Variants in MALRD1 observed in about 807,000 individuals in gnomAD.
MALRD1 encodes the protein MAM and LDL receptor class A domain containing 1.
In MALRD1, 247 loss-of-function variants were observed where a neutral mutation model predicts 242.1. The ratio of observed to expected loss-of-function variants is 1.02; its 90% confidence interval spans 0.92 to 1.13. The LOEUF is 1.13. Among genes scored for constraint, MALRD1 ranks in the 50% most tolerant of loss-of-function variants. The pLI is 0.00. For missense variants in MALRD1, 2,989 were observed against 2,533.1 expected (o/e 1.18, Z -3.86); for synonymous variants, 995 against 866.6 (o/e 1.15, Z -2.60).
chr10:19,082,603 CT>C (rs1009718477), intron 2 of MALRD1, among the ~76,000 whole-genome samples: 2 of 151,662 alleles, frequency 1.3e-5, no homozygotes, highest in Admixed American at 1.3e-4. Flanking sequence ...GATTGCTTTG[CT>C]TTTTTTCTCT....
intron 36 of MALRD1, among the ~76,000 whole-genome samples, chr10:19,677,777 C>T (rs1256674503): frequency 6.6e-6 from 1 of 152,134 alleles, no homozygotes; most frequent in Non-Finnish European, 1.5e-5. Flanking sequence ...CCTAAATTTT[C>T]TTCTAGGGTT....
chr10:19,417,015 T>C (rs978715261), intron 28 of MALRD1, among the ~76,000 whole-genome samples: 1 of 152,196 alleles, frequency 6.6e-6, no homozygotes, highest in Non-Finnish European at 1.5e-5. Flanking sequence ...TCAACAACTA[T>C]GGCCAGCCCT....
chr10:19,726,418 A>G (rs140070664), intron 38 of MALRD1, among the ~76,000 whole-genome samples: 10 of 152,074 alleles, frequency 6.6e-5, no homozygotes, highest in Non-Finnish European at 7.4e-5. Context: ...CTGAGATAGC[A>G]ATAATAATAA....
chr10:19,196,858 A>G (rs961217724), intron 14 of MALRD1, among the ~76,000 whole-genome samples: 2 of 152,152 alleles, frequency 1.3e-5, no homozygotes, highest in Non-Finnish European at 2.9e-5. Context: ...CACCTTTGAT[A>G]TCAATTAATC....
At position 19,491,632 on chromosome 10, in the gene MALRD1, T is replaced by C. The variant is rs1202640371; in HGVS notation, c.5145T>C (p.Asp1715=). 1 of 1,549,520 alleles carries C rather than the reference T, an allele frequency of 6.5e-7. No homozygotes were observed. Among genetic ancestry groups the C allele is most frequent in the South Asian group, 1.2e-5 (1 of 84,054 alleles). The stretch of plus-strand genomic sequence containing the variant: ...AGCCAGACTGCTCTGATAGGTCTGA[T>C]GAAGCTCACTGTGGTAAGTTTATCT... ...DYKPDCSDRS[D]EAHCAHYTST... is the part of the protein sequence containing the mutation. The change falls in exon 30 of 40, where the codon GAT becomes GAC. Residue 1715 remains aspartate (D), a synonymous_variant. Transcript: ENST00000454679.
At chr10:19,307,870 A>G (rs1588887351) in intron 21 of MALRD1, among the ~76,000 whole-genome samples, 1 of 151,486 alleles carries the variant, frequency 6.6e-6, no homozygotes, top group Admixed American at 6.6e-5. Flanking sequence ...TATGGGGTAC[A>G]TGGTAATGCT....
At chr10:19,527,954 C>T (rs1046908522) in intron 31 of MALRD1, among the ~76,000 whole-genome samples, 1 of 152,084 alleles carries the variant, frequency 6.6e-6, no homozygotes, top group African/African-American at 2.4e-5. Context: ...AAAGAAAGTA[C>T]GTTTTTAATG....
intron 28 of MALRD1, among the ~76,000 whole-genome samples, chr10:19,396,520 T>C (rs1846587381): frequency 6.6e-6 from 1 of 152,198 alleles, no homozygotes; most frequent in Non-Finnish European, 1.5e-5. Flanking sequence ...AGATACTTTG[T>C]TTTCTAATTT....
intron 35 of MALRD1, among the ~76,000 whole-genome samples, chr10:19,615,192 C>G (rs11010697): frequency 0.77 from 117,099 of 151,830 alleles, 48,358 homozygotes; most frequent in Non-Finnish European, 0.91. Context: ...TAACTTTGTA[C>G]TCCATAAATA....
intron 28 of MALRD1, among the ~76,000 whole-genome samples, chr10:19,429,090 A>G (rs553242683): frequency 6.6e-6 from 1 of 152,210 alleles, no homozygotes; most frequent in African/African-American, 2.4e-5. Context: ...GAACTTTCTA[A>G]AGTTTAAGCA....
At chr10:19,232,507 A>G (rs1838127597) in intron 18 of MALRD1, among the ~76,000 whole-genome samples, 1 of 151,996 alleles carries the variant, frequency 6.6e-6, no homozygotes, top group Non-Finnish European at 1.5e-5. Flanking sequence ...ACTAACCTAA[A>G]TTATTTTAAA....
chr10:19,585,259 C>A (rs1044891979), intron 33 of MALRD1, among the ~76,000 whole-genome samples: 11 of 151,076 alleles, frequency 7.3e-5, no homozygotes, highest in African/African-American at 2.7e-4. Context: ...TGAATTTGAT[C>A]CTGTCATTAT....
intron 18 of MALRD1, among the ~76,000 whole-genome samples, chr10:19,235,572 C>G (rs1410058049): frequency 3.8e-4 from 33 of 87,750 alleles, no homozygotes; most frequent in South Asian, 1.1e-3. Flanking sequence ...CCCACACCCA[C>G]ACCCACAGAG....
In MALRD1 at chr10:19,541,474, C is replaced by G. The variant is rs183942183; in HGVS notation, c.5478+10123C>G. ...AATAGCTCTTAATGTGTCACTCATC[C>G]TGGCACATTGAAATCATTTGTACAA... On this transcript the variant is annotated intron_variant, in intron 32 of 39. Transcript: ENST00000454679. Among the ~76,000 whole-genome samples, 729 of 152,246 alleles carry G rather than the reference C, an allele frequency of 4.8e-3. 5 individuals carry two copies. Among genetic ancestry groups the G allele is most frequent in the Admixed American group, 8.8e-3 (134 of 15,290 alleles).
intron 16 of MALRD1, 32 bp from the exon 17 acceptor site, chr10:19,204,866 C>G (rs1344415795): frequency 2.7e-6 from 4 of 1,504,064 alleles, no homozygotes; most frequent in Non-Finnish European, 3.6e-6. Context: ...TTCTATAAAT[C>G]ACTTCCATTT....
At chr10:19,547,216 C>T (rs3843022) in intron 32 of MALRD1, among the ~76,000 whole-genome samples, 126,946 of 152,158 alleles carry the variant, frequency 0.83, 53,005 homozygotes, top group Admixed American at 0.85. Context: ...AATGTGGGGT[C>T]AACGTTGAAG....
chr10:19,496,783 C>T (rs1373293584), intron 30 of MALRD1, among the ~76,000 whole-genome samples: 3 of 152,068 alleles, frequency 2.0e-5, no homozygotes, highest in African/African-American at 7.2e-5. Flanking sequence ...TAGGGTCAGC[C>T]TGGCTGTGTG....
chr10:19,463,690 C>A (rs1836065819), intron 29 of MALRD1, among the ~76,000 whole-genome samples: 1 of 151,922 alleles, frequency 6.6e-6, no homozygotes, highest in African/African-American at 2.4e-5. Flanking sequence ...GTGCAAGTAT[C>A]TTTTTTCGTA....
chr10:19,430,892 G>C (rs1179910208), intron 28 of MALRD1, among the ~76,000 whole-genome samples: 2 of 152,122 alleles, frequency 1.3e-5, no homozygotes, highest in Admixed American at 6.5e-5. Flanking sequence ...CCAGCAAATA[G>C]AAGGGTGCCT....
Sources: allele counts gnomAD v4.1 joint callset (sites outside exome capture counted in the v4.1 genomes callset), GRCh38; gene constraint gnomAD v4.1.1; transcripts MANE v1.5; gene names NCBI Gene and HGNC (gene_info 2026-07-23, HGNC 2026-07-21).